MAP4K4: variants seen among roughly 807,000 people sequenced by gnomAD.
MAP4K4 encodes mitogen-activated protein kinase kinase kinase kinase 4.
Under a neutral mutation model 189.6 loss-of-function variants are expected in MAP4K4, and 38 were observed. The ratio of observed to expected loss-of-function variants is 0.20; its 90% CI spans 0.15 to 0.26. The LOEUF (loss-of-function observed/expected upper bound fraction) is 0.26. Among genes scored for constraint, MAP4K4 ranks in the 10% least tolerant of loss-of-function variants. The pLI is 1.00. For synonymous variants in MAP4K4, 610 were observed against 624.3 expected (o/e 0.98, Z 0.34); for missense variants, 1,054 against 1,726.9 (o/e 0.61, Z 6.91).
At chr2:101,742,374 G>A (rs138355087) in intron 2 of MAP4K4, among the ~76,000 whole-genome samples, 2 of 152,126 alleles carry the variant, frequency 1.3e-5, no homozygotes, top group Non-Finnish European at 2.9e-5. Flanking sequence ...TAGGACTGGC[G>A]CTGTTTTCCT....
chr2:101,753,344 A>G (rs1295879893), intron 2 of MAP4K4, among the ~76,000 whole-genome samples: 5 of 152,176 alleles, frequency 3.3e-5, no homozygotes, highest in Non-Finnish European at 7.3e-5. Context: ...ACCCCATAAC[A>G]TGCATTTTCA....
chr2:101,871,511 G>GC lies in MAP4K4; in HGVS notation c.2779dup (p.Arg927ProfsTer6). 6.5e-7 allele frequency: 1 copy of GC among 1,535,274 alleles called. No individual in the cohort carries two copies. Among genetic ancestry groups the GC allele is most frequent in the Non-Finnish European group, 8.7e-7 (1 of 1,146,380 alleles). Reference sequence around the variant, plus strand: ...TTCTACAGAGTACAGTTGACCAAAAGCGTGCCAGCCATCATGAGAGCAATG... The same window carrying GC: ...TTCTACAGAGTACAGTTGACCAAAAGCCGTGCCAGCCATCATGAGAGCAATG... On this transcript the variant is annotated frameshift_variant, in exon 24 of 33. Coordinates refer to ENST00000324219, the Ensembl canonical transcript of MAP4K4. LOFTEE classifies it high-confidence loss of function.
chr2:101,820,485 T>C (rs2095983396), intron 3 of MAP4K4, among the ~76,000 whole-genome samples: 1 of 152,240 alleles, frequency 6.6e-6, no homozygotes, highest in South Asian at 2.1e-4. Context: ...TCCTTACAGA[T>C]TTACTGACTT....
At position 101,823,915 on chromosome 2, in the gene MAP4K4, ATTT is replaced by A. The variant is rs1431713928; in HGVS notation, c.181-9_181-7del. 2 of 1,586,438 alleles carry A rather than the reference ATTT, an allele frequency of 1.3e-6. No homozygotes were observed. Among genetic ancestry groups the A allele is most frequent in the African/African-American group, 2.7e-5 (2 of 74,074 alleles). On this transcript the variant is annotated splice_polypyrimidine_tract_variant and intron_variant, in intron 3 of 32. Coordinates refer to ENST00000324219, the Ensembl canonical transcript of MAP4K4. The stretch of plus-strand genomic sequence containing the variant: ...TTCAGTAGCCACACATTTTATTTTT[ATTT>A]TTTCATAAGGATGAAGAGGAAGAAA...
At chr2:101,860,088 A>G in intron 15 of MAP4K4, 1 of 584,786 alleles carries the variant, frequency 1.7e-6, no homozygotes, top group Non-Finnish European at 3.0e-6. Context: ...GCCTCAGTTA[A>G]CATATCCCAG....
intron 27 of MAP4K4, among the ~76,000 whole-genome samples, chr2:101,880,235 T>C (rs1422180691): frequency 6.6e-6 from 1 of 152,210 alleles, no homozygotes; most frequent in African/African-American, 2.4e-5. Context: ...TGAATTGTGC[T>C]TCTGGTATTG....
rs535338645 is a variant in MAP4K4, at chr2:101,778,315, T to A, written c.124-12405T>A. 2.9e-4 allele frequency among the ~76,000 whole-genome samples: 44 copies of A among 152,364 alleles called. No homozygotes were observed. The South Asian group carries it at 8.7e-3, about 30-fold the overall frequency. ...GTGCTCACCTCTGCGTGTCTCTGAT[T>A]CGTGTGTCCAGCACAGTGTGCGGGG... On this transcript the variant is annotated intron_variant, in intron 2 of 32. Coordinates refer to ENST00000324219, the Ensembl canonical transcript of MAP4K4.
chr2:101,881,714 T>G (rs1163713702), intron 27 of MAP4K4, among the ~76,000 whole-genome samples: 1 of 152,202 alleles, frequency 6.6e-6, no homozygotes, highest in African/African-American at 2.4e-5. Context: ...TATTCCTATT[T>G]CCCTGAAAGT....
At chr2:101,782,895 A>G (rs1032784204) in intron 2 of MAP4K4, among the ~76,000 whole-genome samples, 6 of 152,122 alleles carry the variant, frequency 3.9e-5, no homozygotes, top group African/African-American at 7.2e-5. Flanking sequence ...AGTGAGGCCT[A>G]TGGTTTTGGG....
chr2:101,837,234 G>A (rs1232988756), intron 9 of MAP4K4, among the ~76,000 whole-genome samples: 1 of 151,538 alleles, frequency 6.6e-6, no homozygotes, highest in African/African-American at 2.4e-5. Flanking sequence ...GCCTTCAGCT[G>A]TTCCTGTTTA....
At position 101,860,973 on chromosome 2, in the gene MAP4K4, C is replaced by G; in HGVS notation, c.1853C>G (p.Pro618Arg). Residue 618 changes from proline (P) to arginine (R), a missense_variant, in exon 16 of 33, where the codon CCA (proline) becomes CGA (arginine). By Grantham distance (103) the Pro-to-Arg change is moderately radical. This residue lies in a region of MAP4K4 where 646 missense variants were observed against 796.2 expected (regional missense o/e 0.81). Transcript: ENST00000324219. ...TCTGTGCATCCCGCCCTGCAGAGAC[C>G]AGCGGAGCCACAGGTAGCGACAGCC... 2 of 1,598,630 alleles carry G rather than the reference C, an allele frequency of 1.3e-6. No homozygotes were observed. Among genetic ancestry groups the G allele is most frequent in the Non-Finnish European group, 1.7e-6 (2 of 1,172,682 alleles).
chr2:101,712,454 A>G (rs1225737936), intron 2 of MAP4K4, among the ~76,000 whole-genome samples: 1 of 152,088 alleles, frequency 6.6e-6, no homozygotes, highest in East Asian at 1.9e-4. Context: ...TTGGCCTCCC[A>G]AAGTGCTGGG....
At chr2:101,713,595 TAAAA>T (rs35743081) in intron 2 of MAP4K4, among the ~76,000 whole-genome samples, 4 of 117,676 alleles carry the variant, frequency 3.4e-5, no homozygotes, top group Non-Finnish European at 5.3e-5. Flanking sequence ...AGACCTTGTC[TAAAA>T]AAAAAAAAAA....
At chr2:101,783,930 C>G (rs2089191366) in intron 2 of MAP4K4, among the ~76,000 whole-genome samples, 1 of 152,210 alleles carries the variant, frequency 6.6e-6, no homozygotes. Flanking sequence ...GACACAGCTT[C>G]TAGTCTTGGG....
chr2:101,821,136 A>G (rs776843018), intron 3 of MAP4K4, among the ~76,000 whole-genome samples: 16 of 152,126 alleles, frequency 1.1e-4, no homozygotes, highest in Non-Finnish European at 1.6e-4. Flanking sequence ...CCACATTTAA[A>G]TCTCAGATAG....
chr2:101,882,788 C>A, intron 28 of MAP4K4, 103 bp downstream of exon 28: 1 of 1,191,318 alleles, frequency 8.4e-7, no homozygotes, highest in South Asian at 1.7e-5. Flanking sequence ...TAATAATAAA[C>A]TTGTTTCTGA....
intron 2 of MAP4K4, among the ~76,000 whole-genome samples, chr2:101,743,661 C>CT (rs2063844187): frequency 6.6e-6 from 1 of 152,052 alleles, no homozygotes; most frequent in South Asian, 2.1e-4. Flanking sequence ...ATAACACTTT[C>CT]TTTTTTTCTT....
intron 2 of MAP4K4, among the ~76,000 whole-genome samples, chr2:101,745,997 TG>T (rs201249440): frequency 0.01 from 1,582 of 151,000 alleles, 31 homozygotes; most frequent in African/African-American, 0.035. Flanking sequence ...TGTGTGTGTG[TG>T]TGTGTGTGTT....
intron 27 of MAP4K4, among the ~76,000 whole-genome samples, chr2:101,878,535 T>G (rs1040017262): frequency 4.6e-5 from 7 of 152,234 alleles, no homozygotes; most frequent in Admixed American, 4.6e-4. Flanking sequence ...TTAAAATGTA[T>G]TTAGTTATCT....
Sources: allele counts gnomAD v4.1 joint callset (sites outside exome capture counted in the v4.1 genomes callset), GRCh38; gene constraint gnomAD v4.1.1; regional missense constraint gnomAD v4.1.1; transcripts MANE v1.5; gene names NCBI Gene and HGNC (gene_info 2026-07-23, HGNC 2026-07-21).